The following SUN3 variants were observed in gnomAD, a reference collection of about 807,000 sequenced individuals.
SUN3 encodes SUN domain-containing protein 3.
Under a neutral mutation model 48.2 loss-of-function variants are expected in SUN3, and 36 were observed. That is an observed-to-expected ratio of 0.75 (90% CI 0.57 to 0.99). SUN3 has a LOEUF of 0.99. SUN3 is among the 50% of genes least tolerant of loss of function. The pLI, the probability that SUN3 is intolerant of heterozygous loss-of-function variation, is 0.00. For missense variants in SUN3, 419 were observed against 433.1 expected (o/e 0.97, Z 0.29); for synonymous variants, 148 against 147.9 (o/e 1.00, Z 0.00).
chr7:48,007,138 C>T, intron 5 of SUN3, 27 bp downstream of exon 5: 5 of 1,594,442 alleles, frequency 3.1e-6, no homozygotes, highest in Non-Finnish European at 4.3e-6. Context: ...CCCCACCCTG[C>T]CCAACCCGCC....
At chr7:48,027,474 T>C (rs1328292118) in intron 1 of SUN3, among the ~76,000 whole-genome samples, 1 of 152,188 alleles carries the variant, frequency 6.6e-6, no homozygotes, top group African/African-American at 2.4e-5. Flanking sequence ...ACATCTAACC[T>C]TTTAAAAAGC....
intron 5 of SUN3, among the ~76,000 whole-genome samples, chr7:48,006,553 GAACA>G (rs142608243): frequency 4.5e-4 from 69 of 152,158 alleles, no homozygotes; most frequent in African/African-American, 1.3e-3. Flanking sequence ...TCTAAAAAAC[GAACA>G]AACAAACAAA....
intron 6 of SUN3, among the ~76,000 whole-genome samples, chr7:47,998,968 T>C (rs2708884): frequency 0.44 from 66,988 of 151,944 alleles, 15,592 homozygotes; most frequent in Non-Finnish European, 0.51. Context: ...CAAAACAAAT[T>C]TGACTCTTCT....
chr7:48,029,620 CTTCTGTA>C (rs1468309020), upstream of SUN3, among the ~76,000 whole-genome samples: 1 of 152,166 alleles, frequency 6.6e-6, no homozygotes, highest in East Asian at 1.9e-4. Flanking sequence ...TTTACCCATC[CTTCTGTA>C]AATGTATGCT....
At chr7:48,026,581 A>ACACACACACACACAC (rs1790141163) in intron 1 of SUN3, among the ~76,000 whole-genome samples, 3 of 145,628 alleles carry the variant, frequency 2.1e-5, no homozygotes, top group African/African-American at 7.6e-5. Flanking sequence ...CCCACCCCCC[A>ACACACACACACACAC]ACACACACAC....
chr7:47,987,204 G>C lies in SUN3; in HGVS notation c.*126C>G, dbSNP rs1301399465. The C allele has an allele frequency of 1.1e-6, 1 of 949,888 alleles. No homozygotes were observed. The highest frequency in any genetic ancestry group is 1.7e-5 in the African/African-American group (1 of 59,058). 58.8% of individuals were successfully genotyped at this position (949,888 alleles called of 1,614,324 possible). ...AAATGCATTTACTTTTTACAGGCAA[G>C]TATGAACCACTTTGAGGTTTTCTTC... On this transcript the variant is annotated 3_prime_UTR_variant, in exon 10 of 10. Transcript: ENST00000297325.
chr7:48,017,257 A>G lies in SUN3; in HGVS notation c.288+5T>C, dbSNP rs1562611018. ...GATATACAAAATTACTTAACAAAAT[A>G]TCACCTGATATTTATAAAGCCTTGA... On this transcript the variant is annotated splice_donor_5th_base_variant and intron_variant, in intron 3 of 9. Coordinates refer to ENST00000297325, the MANE Select transcript of SUN3 (RefSeq NM_001030019.2). 2.7e-6 allele frequency: 4 copies of G among 1,503,380 alleles called. No individual in the cohort carries two copies. Among genetic ancestry groups the G allele is most frequent in the Non-Finnish European group, 2.7e-6 (3 of 1,092,860 alleles). 93.1% of individuals were successfully genotyped at this position (1,503,380 alleles called of 1,614,324 possible). A position where few individuals can be genotyped will look rare whatever the true frequency, so the allele number is the denominator to read the frequency against.
At chr7:47,989,869 T>C (rs915290485) in intron 8 of SUN3, among the ~76,000 whole-genome samples, 20 of 152,234 alleles carry the variant, frequency 1.3e-4, no homozygotes, top group African/African-American at 4.8e-4. Flanking sequence ...TTAAGGGCTG[T>C]GCAGGATGTG....
chr7:48,007,527 A>C (rs981177486), intron 4 of SUN3, among the ~76,000 whole-genome samples, 200 bp from the exon 5 acceptor site: 5 of 152,180 alleles, frequency 3.3e-5, no homozygotes, highest in South Asian at 4.1e-4. Context: ...TCCAGGGGTC[A>C]CATGGCTGAG....
chr7:48,035,368 G>A, the SUN3 span: 2 of 609,796 alleles, frequency 3.3e-6, no homozygotes, highest in Admixed American at 5.3e-5. This position sits in a 1 kb window ranked among gnomAD's most constrained non-coding sequence, Gnocchi z 4.0. Flanking sequence ...CCGGCTCTGG[G>A]CTACGGGCAG....
At chr7:48,027,567 A>C (rs993619004) in intron 1 of SUN3, among the ~76,000 whole-genome samples, 1 of 152,234 alleles carries the variant, frequency 6.6e-6, no homozygotes, top group African/African-American at 2.4e-5. Flanking sequence ...AAAGTATTAC[A>C]AGTTGGCAAA....
At chr7:47,992,318 G>T (rs1436460016) in intron 8 of SUN3, among the ~76,000 whole-genome samples, 2 of 152,328 alleles carry the variant, frequency 1.3e-5, no homozygotes, top group Non-Finnish European at 2.9e-5. Context: ...AGACCCGGAA[G>T]CGAGCAGAAG....
At chr7:48,023,829 C>T (rs1790065206) in intron 2 of SUN3, among the ~76,000 whole-genome samples, 1 of 152,118 alleles carries the variant, frequency 6.6e-6, no homozygotes, top group South Asian at 2.1e-4. Flanking sequence ...CTAAAGCTGT[C>T]CACAGATTCA....
chr7:48,018,933 G>C (rs1353047197), intron 2 of SUN3, among the ~76,000 whole-genome samples: 2 of 151,964 alleles, frequency 1.3e-5, no homozygotes, highest in Non-Finnish European at 2.9e-5. Context: ...AAGAACTACA[G>C]GAAACCAGGA....
chr7:48,007,574 G>C (rs962198808), intron 4 of SUN3, among the ~76,000 whole-genome samples: 1 of 152,156 alleles, frequency 6.6e-6, no homozygotes, highest in Admixed American at 6.5e-5. Context: ...GCATGGGGCA[G>C]GCAAGGCTCA....
rs1288407884 is a variant in SUN3 at position 47,994,504 on chromosome 7, A to C, written c.694-22T>G. 1.9e-6 allele frequency: 3 copies of C among 1,582,944 alleles called. No homozygotes were observed. The South Asian group carries it at 3.5e-5, about 18-fold the overall frequency. On this transcript the variant is annotated intron_variant, in intron 7 of 9. Coordinates refer to ENST00000297325, the MANE Select transcript of SUN3 (RefSeq NM_001030019.2). ...CCGGCTGGAAAGAAAACACTGAATT[A>C]ATCTCTTAACTAGTTATGTGAATCC...
At chr7:47,988,464 A>T (rs1440644607) in intron 9 of SUN3, among the ~76,000 whole-genome samples, 1 of 152,182 alleles carries the variant, frequency 6.6e-6, no homozygotes, top group Non-Finnish European at 1.5e-5. Flanking sequence ...CCTATACTCA[A>T]GCAAGGTGAG....
At chr7:48,035,164 T>G in the SUN3 span, among the ~76,000 whole-genome samples, 1 of 152,250 alleles carries the variant, frequency 6.6e-6, no homozygotes, top group East Asian at 1.9e-4. This position sits in a 1 kb window ranked among gnomAD's most constrained non-coding sequence, Gnocchi z 4.0. Flanking sequence ...TGTCCCCAAT[T>G]TTTCTGGACC....
upstream of SUN3, among the ~76,000 whole-genome samples, chr7:48,029,419 AC>A (rs1790223737): frequency 6.6e-6 from 1 of 152,126 alleles, no homozygotes; most frequent in South Asian, 2.1e-4. Context: ...AAATTGATAT[AC>A]TCTATTCTCA....
Sources: gnomAD v4.1 joint callset for allele counts (sites outside exome capture counted in the v4.1 genomes callset) on GRCh38, gnomAD v4.1.1 for gene constraint, Gnocchi (gnomAD v3.1) non-coding constraint, MANE v1.5 for transcripts, NCBI Gene and HGNC (gene_info 2026-07-23, HGNC 2026-07-21) for gene names.